Variants in ATP8B4 observed in about 807,000 individuals in gnomAD.
The protein encoded by ATP8B4 is ATPase phospholipid transporting 8B4 (putative).
In ATP8B4, 133 loss-of-function variants were observed where a neutral mutation model predicts 145.6. That is an observed-to-expected ratio of 0.91 (90% CI 0.79 to 1.05). The LOEUF (loss-of-function observed/expected upper bound fraction) is 1.05, where lower values mean the gene tolerates loss of function less well. ATP8B4 is among the 50% of genes least tolerant of loss of function. The pLI is 0.00. For synonymous variants in ATP8B4, 507 were observed against 492.9 expected, an observed-to-expected ratio of 1.03 and a Z score of -0.38; for missense variants, 1,458 against 1,425.2, an observed-to-expected ratio of 1.02 and a Z score of -0.37.
At chr15:50,180,540 G>A (rs1251954310) in intron 1 of ATP8B4, among the ~76,000 whole-genome samples, 2 of 152,210 alleles carry the variant, frequency 1.3e-5, no homozygotes, top group African/African-American at 2.4e-5. Context: ...ACTCTGGGTA[G>A]ACAGTAGCTG....
intron 6 of ATP8B4, among the ~76,000 whole-genome samples, chr15:50,022,473 T>A (rs1424163934): frequency 6.6e-6 from 1 of 152,208 alleles, no homozygotes; most frequent in Non-Finnish European, 1.5e-5. Flanking sequence ...TCTGCAGAAA[T>A]AAGATAGACC....
At chr15:50,072,924 CTCTCTCTCTCTCTCTCTCTCTCT>C (rs2053849755) in intron 3 of ATP8B4, among the ~76,000 whole-genome samples, 4 of 10,560 alleles carry the variant, frequency 3.8e-4, no homozygotes, top group Non-Finnish European at 5.3e-4. Flanking sequence ...TGCCCGGCCT[CTCTCTCTCTCTCTCTCTCTCTCT>C]CTCTCTCTCT....
intron 6 of ATP8B4, among the ~76,000 whole-genome samples, chr15:50,019,363 T>C (rs2049347503): frequency 6.6e-6 from 1 of 152,208 alleles, no homozygotes; most frequent in African/African-American, 2.4e-5. Flanking sequence ...AACCGGCTCT[T>C]ATCAACCCCT....
intron 6 of ATP8B4, among the ~76,000 whole-genome samples, chr15:50,024,684 CATT>C (rs1355719097): frequency 6.6e-6 from 1 of 152,218 alleles, no homozygotes; most frequent in African/African-American, 2.4e-5. Flanking sequence ...CTGCCTGTCA[CATT>C]TTTGCTTGTC....
chr15:49,879,002 G>A (rs1284315717), intron 24 of ATP8B4, among the ~76,000 whole-genome samples: 1 of 152,182 alleles, frequency 6.6e-6, no homozygotes, highest in Admixed American at 6.5e-5. Context: ...ACAGACACTA[G>A]TTCTGAGACA....
chr15:49,890,772 G>A (rs147129395), intron 23 of ATP8B4, among the ~76,000 whole-genome samples: 19 of 152,320 alleles, frequency 1.2e-4, no homozygotes, highest in African/African-American at 4.6e-4. Context: ...AACAGGGAAT[G>A]GAAAAGAGAC....
chr15:50,039,977 G>A (rs895106428), intron 5 of ATP8B4, among the ~76,000 whole-genome samples: 17 of 152,190 alleles, frequency 1.1e-4, no homozygotes, highest in Admixed American at 2.6e-4. Flanking sequence ...TAAGTCACAC[G>A]TCACCCATTG....
chr15:49,996,056 GA>G (rs1159333908), intron 9 of ATP8B4, among the ~76,000 whole-genome samples: 1 of 152,098 alleles, frequency 6.6e-6, no homozygotes, highest in East Asian at 1.9e-4. Context: ...GATATAGGTA[GA>G]AAAGGAAAGG....
chr15:49,946,588 CCTG>C (rs2042584838), intron 14 of ATP8B4, among the ~76,000 whole-genome samples: 3 of 151,936 alleles, frequency 2.0e-5, no homozygotes, highest in African/African-American at 7.3e-5. Flanking sequence ...CCTTACATAT[CCTG>C]CTAATTAATC....
rs1247585197 is a variant in ATP8B4, at chr15:49,961,993, T to G, written c.1271A>C (p.Lys424Thr). 2.5e-6 allele frequency: 4 copies of G among 1,596,850 alleles called. No homozygotes were observed. The highest frequency in any genetic ancestry group is 3.4e-6 in the Non-Finnish European group (4 of 1,174,862). The part of the protein sequence containing the change: ...YGEVHDDLDQ[K>T]TEITQEKEPV... ...CTTCCACACCTGAGTTATTTCTGTC[T>G]TCTGATCCAGGTCATCATGTACTTC... is the stretch of plus-strand genomic sequence containing the variant. The change falls in exon 14 of 28, where the codon AAG becomes ACG. Residue 424 changes from lysine to threonine, a missense_variant. Transcript: ENST00000284509.
chr15:49,915,254 A>T (rs1030948991), intron 20 of ATP8B4, among the ~76,000 whole-genome samples: 6 of 152,150 alleles, frequency 3.9e-5, no homozygotes, highest in African/African-American at 1.2e-4. Context: ...AAAACTAAAA[A>T]AGTTGATCTC....
At chr15:50,072,987 T>C (rs1215523625) in intron 3 of ATP8B4, among the ~76,000 whole-genome samples, 6 of 16,626 alleles carry the variant, frequency 3.6e-4, no homozygotes, top group Non-Finnish European at 5.0e-4. Context: ...TCTCTATATA[T>C]ATATATATAT....
upstream of ATP8B4, among the ~76,000 whole-genome samples, chr15:50,120,581 T>C (rs1185591548): frequency 1.3e-5 from 2 of 152,198 alleles, no homozygotes; most frequent in Admixed American, 6.5e-5. Flanking sequence ...AAACTGAGTA[T>C]AGTAGTGCCT....
At chr15:49,986,296 T>A (rs2046591810) in intron 10 of ATP8B4, among the ~76,000 whole-genome samples, 1 of 152,182 alleles carries the variant, frequency 6.6e-6, no homozygotes, top group South Asian at 2.1e-4. Flanking sequence ...GGAGGGTATT[T>A]CCCATCAGAA....
chr15:50,165,210 C>T (rs1408529021), intron 1 of ATP8B4, among the ~76,000 whole-genome samples: 1 of 151,972 alleles, frequency 6.6e-6, no homozygotes, highest in Non-Finnish European at 1.5e-5. Context: ...CCACCACAGC[C>T]CCCAGCTAAT....
chr15:49,944,279 TG>T, intron 14 of ATP8B4, among the ~76,000 whole-genome samples: 1 of 152,278 alleles, frequency 6.6e-6, no homozygotes, highest in South Asian at 2.1e-4. Context: ...AGTGATTAAA[TG>T]GATTTTTAAA....
intron 6 of ATP8B4, among the ~76,000 whole-genome samples, chr15:50,015,468 C>T (rs2049021276): frequency 6.6e-6 from 1 of 152,210 alleles, no homozygotes; most frequent in South Asian, 2.1e-4. Context: ...AAAGCCCATG[C>T]TCTTAATACA....
intron 6 of ATP8B4, among the ~76,000 whole-genome samples, chr15:50,031,136 A>G (rs2050402913): frequency 6.6e-6 from 1 of 152,316 alleles, no homozygotes; most frequent in African/African-American, 2.4e-5. Context: ...ACTGAGTTCA[A>G]AAAGCACTGA....
chr15:50,145,663 T>C (rs28660136), intron 1 of ATP8B4, among the ~76,000 whole-genome samples: 2,945 of 152,276 alleles, frequency 0.019, 101 homozygotes, highest in African/African-American at 0.067. Flanking sequence ...ACTCTCACCA[T>C]GTCTTTTTTT....
Sources: allele counts gnomAD v4.1 joint callset (sites outside exome capture counted in the v4.1 genomes callset), GRCh38; gene constraint gnomAD v4.1.1; transcripts MANE v1.5; gene names NCBI Gene and HGNC (gene_info 2026-07-23, HGNC 2026-07-21).